The following SDK1 variants were observed in gnomAD, a reference collection of about 807,000 sequenced individuals.
SDK1 encodes the protein sidekick cell adhesion molecule 1.
Under a neutral mutation model 245.5 loss-of-function variants are expected in SDK1, and 157 were observed. That is an observed-to-expected ratio of 0.64 (90% CI 0.56 to 0.73). SDK1 has a LOEUF of 0.73. Among genes scored for constraint, SDK1 ranks in the 30% least tolerant of loss-of-function variants. The pLI, the probability that SDK1 is intolerant of heterozygous loss-of-function variation, is 0.00. For missense variants in SDK1, 3,583 were observed against 3,002.3 expected (o/e 1.19, Z -4.52); for synonymous variants, 1,647 against 1,278.5 (o/e 1.29, Z -6.15).
intron 17 of SDK1, among the ~76,000 whole-genome samples, chr7:4,046,032 G>T (rs1216366945): frequency 1.3e-5 from 2 of 151,788 alleles, no homozygotes; most frequent in African/African-American, 4.8e-5. Context: ...GGGGTCAAGG[G>T]ATCCTCCTGC....
At chr7:3,954,036 G>T (rs953224686) in intron 7 of SDK1, among the ~76,000 whole-genome samples, 4 of 152,152 alleles carry the variant, frequency 2.6e-5, no homozygotes, top group African/African-American at 9.7e-5. Context: ...GAGCACACAG[G>T]CCAAAGACAG....
intron 22 of SDK1, among the ~76,000 whole-genome samples, chr7:4,102,073 A>G (rs902519024): frequency 6.6e-6 from 1 of 152,208 alleles, no homozygotes; most frequent in Non-Finnish European, 1.5e-5. Flanking sequence ...AGGGCTGGGA[A>G]TCTAGAGCTG....
At chr7:3,564,150 A>G (rs1027837344) in intron 1 of SDK1, among the ~76,000 whole-genome samples, 1 of 148,778 alleles carries the variant, frequency 6.7e-6, no homozygotes, top group Admixed American at 6.6e-5. Context: ...AAAAGTTGGT[A>G]AAAAGAACAC....
intron 40 of SDK1, among the ~76,000 whole-genome samples, chr7:4,223,046 C>G (rs1470630184): frequency 1.3e-5 from 2 of 151,204 alleles, no homozygotes; most frequent in African/African-American, 4.9e-5. Flanking sequence ...TCTTCCTCAA[C>G]TCTTCCAGCC....
Position 3,590,432 on chromosome 7 carries a change from C to G in SDK1, c.299-28648C>G, listed in dbSNP as rs1202950323. Among the ~76,000 whole-genome samples the G allele has an allele frequency of 2.7e-5, 4 of 150,378 alleles. No homozygotes were observed. In the Admixed American group the frequency reaches 2.7e-4, roughly 10 times the overall value. ...GAACAAAGATTTTTTAGTTTTACAT[C>G]ATGTAACAAATTTAATGACAAACTA... On this transcript the variant is annotated intron_variant, in intron 1 of 44. Transcript: ENST00000404826.
intron 1 of SDK1, among the ~76,000 whole-genome samples, chr7:3,448,600 A>G (rs1483647735): frequency 6.6e-6 from 1 of 152,138 alleles, no homozygotes; most frequent in Non-Finnish European, 1.5e-5. Flanking sequence ...TTATATAAAT[A>G]TCTTTTAATT....
intron 1 of SDK1, among the ~76,000 whole-genome samples, chr7:3,410,165 T>C (rs149643065): frequency 2.7e-4 from 41 of 152,316 alleles, no homozygotes; most frequent in South Asian, 1.0e-3. Context: ...AGAGGTATTA[T>C]TGCAGGTTGA....
At chr7:3,800,263 T>A (rs1414506716) in intron 4 of SDK1, among the ~76,000 whole-genome samples, 1 of 152,190 alleles carries the variant, frequency 6.6e-6, no homozygotes, top group Non-Finnish European at 1.5e-5. Flanking sequence ...ACTGGAGTAA[T>A]GGCATGTAAG....
intron 13 of SDK1, among the ~76,000 whole-genome samples, chr7:3,983,845 C>T (rs1429797693): frequency 6.6e-6 from 1 of 152,184 alleles, no homozygotes; most frequent in Non-Finnish European, 1.5e-5. Context: ...TGGGCCATCA[C>T]ACTGAGTGTG....
chr7:3,411,846 CTT>C (rs1779217005), intron 1 of SDK1, among the ~76,000 whole-genome samples: 5 of 152,168 alleles, frequency 3.3e-5, no homozygotes, highest in Admixed American at 3.3e-4. Context: ...GGGGTTGGGA[CTT>C]TGTTCACTAG....
chr7:3,792,281 AACCCCTTC>A (rs1035591341), intron 4 of SDK1, among the ~76,000 whole-genome samples: 106 of 152,100 alleles, frequency 7.0e-4, no homozygotes, highest in African/African-American at 2.4e-3. Context: ...ATGGGTCCTG[AACCCCTTC>A]ACCCCTTCAC....
At chr7:4,034,007 G>A (rs1309845740) in intron 17 of SDK1, among the ~76,000 whole-genome samples, 2 of 152,194 alleles carry the variant, frequency 1.3e-5, no homozygotes, top group Non-Finnish European at 2.9e-5. Flanking sequence ...GCAGTGAGTG[G>A]TTGCAGTTAG....
rs75316116 is a variant in SDK1 at position 3,851,529 on chromosome 7, C to T, written c.847+29946C>T. On this transcript the variant is annotated intron_variant, in intron 5 of 44. Transcript: ENST00000404826. ...TTCCTTAGCTATATTTTGAAAATAC[C>T]AGTCTCAAGGGAATAATAATTGAGA... 5.9e-5 allele frequency among the ~76,000 whole-genome samples: 9 copies of T among 152,106 alleles called. No individual in the cohort carries two copies. The East Asian group carries it at 9.6e-4, about 16-fold the overall frequency.
Position 4,026,838 on chromosome 7 carries a change from T to A in SDK1, c.2602+9486T>A, listed in dbSNP as rs1478473110. On this transcript the variant is annotated intron_variant, in intron 17 of 44. Transcript: ENST00000404826. This position sits in a 1 kb window ranked among gnomAD's most constrained non-coding sequence, Gnocchi z 4.1. Reference sequence around the variant, plus strand: ...CACCCGGCACACAAACGGCAATATGTACACCCACCCAGCGGTGTGCGGCCG... The same window carrying A: ...CACCCGGCACACAAACGGCAATATGAACACCCACCCAGCGGTGTGCGGCCG... Among the ~76,000 whole-genome samples, 1 of 152,184 alleles carries A rather than the reference T, an allele frequency of 6.6e-6. No homozygotes were observed. The highest frequency in any genetic ancestry group is 1.5e-5 in the Non-Finnish European group (1 of 68,034).
intron 1 of SDK1, among the ~76,000 whole-genome samples, chr7:3,381,014 G>T (rs2128566998): frequency 6.6e-6 from 1 of 152,276 alleles, no homozygotes; most frequent in South Asian, 2.1e-4. Flanking sequence ...AATAAATAAG[G>T]AGAGAATGGA....
chr7:3,433,745 G>A (rs1779934339), intron 1 of SDK1, among the ~76,000 whole-genome samples: 1 of 152,132 alleles, frequency 6.6e-6, no homozygotes, highest in Non-Finnish European at 1.5e-5. Flanking sequence ...AATAGTCAGT[G>A]CTTGGAGGAA....
intron 1 of SDK1, among the ~76,000 whole-genome samples, chr7:3,430,524 C>G (rs145309540): frequency 1.3e-5 from 2 of 152,274 alleles, no homozygotes; most frequent in Admixed American, 1.3e-4. Context: ...TCCTCCTGCT[C>G]GTCAGCTTCA....
At chr7:3,311,549 A>G (rs925333143) in intron 1 of SDK1, among the ~76,000 whole-genome samples, 6 of 152,324 alleles carry the variant, frequency 3.9e-5, no homozygotes, top group African/African-American at 1.4e-4. Context: ...ATACCTTGGG[A>G]ATATTTTTTC....
At chr7:3,609,747 C>T (rs1781534066) in intron 1 of SDK1, among the ~76,000 whole-genome samples, 1 of 148,936 alleles carries the variant, frequency 6.7e-6, no homozygotes, top group South Asian at 2.1e-4. Flanking sequence ...CTTACCCAGG[C>T]TAGAGTGCAG....
Sources: gnomAD v4.1 joint callset for allele counts (sites outside exome capture counted in the v4.1 genomes callset) on GRCh38, gnomAD v4.1.1 for gene constraint, Gnocchi (gnomAD v3.1) non-coding constraint, MANE v1.5 for transcripts, NCBI Gene and HGNC (gene_info 2026-07-23, HGNC 2026-07-21) for gene names.